The following COG6 variants were observed in gnomAD, a reference collection of about 807,000 sequenced individuals.
COG6 encodes component of oligomeric golgi complex 6.
In COG6, 74 loss-of-function variants were observed where a neutral mutation model predicts 88.8. That is an observed-to-expected ratio of 0.83 (90% CI 0.69 to 1.01). The LOEUF (loss-of-function observed/expected upper bound fraction) is 1.01. Among genes scored for constraint, COG6 ranks in the 50% least tolerant of loss-of-function variants. The pLI is 0.00. For missense variants in COG6, 800 were observed against 797.9 expected (o/e 1.00, Z -0.03); for synonymous variants, 286 against 278.7 (o/e 1.03, Z -0.26).
At chr13:39,666,543 A>G (rs1032036458) in intron 4 of COG6, among the ~76,000 whole-genome samples, 22 of 152,216 alleles carry the variant, frequency 1.4e-4, no homozygotes, top group African/African-American at 5.1e-4. Context: ...CAAAAATGGC[A>G]AGTACATGAC....
intron 13 of COG6, among the ~76,000 whole-genome samples, chr13:39,716,563 AT>A (rs956504719): frequency 1.0e-4 from 15 of 150,610 alleles, no homozygotes; most frequent in African/African-American, 1.7e-4. Flanking sequence ...GTCTTAAGTG[AT>A]TTTTTTTTCT....
intron 13 of COG6, among the ~76,000 whole-genome samples, chr13:39,701,761 C>G (rs760982826): frequency 6.6e-6 from 1 of 151,858 alleles, no homozygotes; most frequent in African/African-American, 2.4e-5. Context: ...TAGAAAAGTT[C>G]ATGGGTAAGC....
chr13:39,655,763 G>A lies in COG6; in HGVS notation c.37G>A (p.Ala13Thr), dbSNP rs886050224. 3.1e-6 allele frequency: 5 copies of A among 1,593,176 alleles called. No homozygotes were observed. The change falls in exon 1 of 19, where the codon GCG (alanine) becomes ACG (threonine). Residue 13 changes from alanine (A) to threonine (T), a missense_variant. By Grantham distance (58) the Ala-to-Thr change is moderately conservative (BLOSUM62 0). Transcript: ENST00000455146. The part of the protein sequence containing the change: ...EGSGEVVAVS[A>T]TGAANGLNNG... ...CAGCGGGGAAGTGGTCGCAGTGTCTGCGACCGGGGCTGCCAACGGCCTCAA... is the reference window on the plus strand; with the variant it reads ...CAGCGGGGAAGTGGTCGCAGTGTCTACGACCGGGGCTGCCAACGGCCTCAA...
At chr13:39,670,942 AG>A (rs1436855359) in intron 4 of COG6, among the ~76,000 whole-genome samples, 15 of 152,216 alleles carry the variant, frequency 9.9e-5, no homozygotes, top group African/African-American at 3.4e-4. Context: ...TGCATGTAAA[AG>A]TATATTACAG....
chr13:39,750,202 C>T (rs1014742733), intron 18 of COG6, among the ~76,000 whole-genome samples: 2 of 152,088 alleles, frequency 1.3e-5, no homozygotes, highest in Non-Finnish European at 2.9e-5. Flanking sequence ...ACCATGAGTA[C>T]CGTTAGTACC....
chr13:39,680,564 G>T (rs1251329538), intron 7 of COG6, among the ~76,000 whole-genome samples: 1 of 152,156 alleles, frequency 6.6e-6, no homozygotes, highest in Non-Finnish European at 1.5e-5. Context: ...TCTAAATGTT[G>T]GTAGACCTGC....
chr13:39,723,919 G>T (rs1480558255), intron 16 of COG6, among the ~76,000 whole-genome samples: 1 of 151,864 alleles, frequency 6.6e-6, no homozygotes, highest in African/African-American at 2.4e-5. Flanking sequence ...AGTCACTTCT[G>T]GGGCCAGCAT....
intron 4 of COG6, among the ~76,000 whole-genome samples, chr13:39,668,230 A>G (rs1875389348): frequency 6.6e-6 from 1 of 152,098 alleles, no homozygotes; most frequent in Admixed American, 6.5e-5. Flanking sequence ...TGTTTTTTTG[A>G]TTAATGACTC....
chr13:39,699,979 T>C (rs1264064242), intron 13 of COG6, among the ~76,000 whole-genome samples: 1 of 151,858 alleles, frequency 6.6e-6, no homozygotes, highest in Non-Finnish European at 1.5e-5. Flanking sequence ...TCCAAACAGC[T>C]TATATTTTTA....
Position 39,687,609 on chromosome 13 carries a change from A to G in COG6, c.895A>G (p.Met299Val), listed in dbSNP as rs183001074. ...GPGGTPRPIE[M>V]HSHDPLRYVG... is the part of the protein sequence containing the mutation. ...CGGAGGTACACCTAGACCAATTGAA[A>G]TGCATTCTCATGACCCTTTGAGGTA... Residue 299 changes from methionine to valine, a missense_variant, in exon 9 of 19, where the codon ATG becomes GTG. Physicochemically the swap from Met to Val is conservative, Grantham distance 21 (BLOSUM62 1). Coordinates refer to ENST00000455146, the MANE Select transcript of COG6 (RefSeq NM_020751.3). The G allele has an allele frequency of 6.2e-7, 1 of 1,614,012 alleles. No individual in the cohort carries two copies. The highest frequency in any genetic ancestry group is 8.5e-7 in the Non-Finnish European group (1 of 1,180,012).
intron 16 of COG6, 126 bp downstream of exon 16, chr13:39,723,566 T>C: frequency 1.5e-6 from 1 of 675,036 alleles, no homozygotes; most frequent in African/African-American, 1.8e-5. Context: ...AAGTGACTTA[T>C]TTTTCTGTAT....
At chr13:39,786,616 A>ACGGTGGC in intron 18 of COG6, among the ~76,000 whole-genome samples, 1 of 152,170 alleles carries the variant, frequency 6.6e-6, no homozygotes, top group Admixed American at 6.5e-5. Context: ...CAACTTTACA[A>ACGGTGGC]AGGTGGCATT....
At chr13:39,679,787 C>T (rs1396251349) in intron 6 of COG6, 167 bp downstream of exon 6, 1 of 692,872 alleles carries the variant, frequency 1.4e-6, no homozygotes, top group Non-Finnish European at 2.6e-6. Context: ...TAGGCTAAAA[C>T]AGCAGTTGAT....
Position 39,687,630 on chromosome 13 carries a change from A to T in COG6, c.916A>T (p.Arg306Trp). The T allele has an allele frequency of 6.2e-7, 1 of 1,613,904 alleles. No individual in the cohort carries two copies. Residue 306 changes from arginine (R) to tryptophan (W), a missense_variant and splice_region_variant, in exon 9 of 19, where the codon AGG becomes TGG. Transcript: ENST00000455146. ...PIEMHSHDPL[R>W]YVGDMLAWLH... is the part of the protein sequence containing the mutation. ...TGAAATGCATTCTCATGACCCTTTG[A>T]GGTATAGTAATCAGACAGCAGAAGA...
intron 18 of COG6, among the ~76,000 whole-genome samples, chr13:39,733,957 A>T (rs975609695): frequency 2.6e-5 from 4 of 151,956 alleles, no homozygotes; most frequent in African/African-American, 9.7e-5. Flanking sequence ...TTTCTGGGGT[A>T]TTGGCTGTGA....
intron 8 of COG6, among the ~76,000 whole-genome samples, chr13:39,684,824 T>C (rs576270784): frequency 6.6e-6 from 1 of 152,176 alleles, no homozygotes; most frequent in Non-Finnish European, 1.5e-5. Context: ...ACAAGAAAAA[T>C]GTCAATTATT....
exon 19 of COG6, chr13:39,789,919 T>C (rs1466314532): frequency 6.6e-6 from 1 of 152,226 alleles, no homozygotes; most frequent in Non-Finnish European, 1.5e-5. Flanking sequence ...ACCAAAACTA[T>C]TTATAACATA....
intron 18 of COG6, among the ~76,000 whole-genome samples, chr13:39,767,321 C>T (rs953737002): frequency 4.6e-5 from 7 of 152,172 alleles, no homozygotes; most frequent in African/African-American, 1.4e-4. Flanking sequence ...CCAGATTGTA[C>T]TCATGTTAGG....
chr13:39,719,191 T>C (rs1224043458), intron 13 of COG6, 45 bp from the exon 14 acceptor site: 5 of 1,598,030 alleles, frequency 3.1e-6, no homozygotes, highest in Non-Finnish European at 1.7e-6. Context: ...CATTAAAATT[T>C]AGTGGAAAAA....
Sources: gnomAD v4.1 joint callset for allele counts (sites outside exome capture counted in the v4.1 genomes callset) on GRCh38, gnomAD v4.1.1 for gene constraint, MANE v1.5 for transcripts, NCBI Gene and HGNC (gene_info 2026-07-23, HGNC 2026-07-21) for gene names.